NSL1: variants seen among roughly 807,000 people sequenced by gnomAD.
NSL1 encodes the protein kinetochore-associated protein NSL1 homolog.
NSL1 carries 11 observed loss-of-function variants against 25.4 expected under a neutral mutation model. The observed-to-expected ratio is 0.43, with a 90% CI of 0.27 to 0.72. The LOEUF is 0.72. Ranked by LOEUF, NSL1 falls within the 30% of genes least tolerant of loss-of-function variation. The pLI is 0.19. For missense variants in NSL1, 330 were observed against 342.7 expected (o/e 0.96, Z 0.29); for synonymous variants, 118 against 120.6 (o/e 0.98, Z 0.14).
intron 4 of NSL1, among the ~76,000 whole-genome samples, chr1:212,776,164 G>T (rs1205952246): frequency 6.6e-6 from 1 of 152,102 alleles, no homozygotes; most frequent in Non-Finnish European, 1.5e-5. Context: ...AGGAGTTCAA[G>T]ACCAGCCTGA....
In NSL1 at chr1:212,729,011, AT is replaced by A; in HGVS notation, c.*9396del. The A allele has an allele frequency of 1.0e-6, 1 of 985,388 alleles. No homozygotes were observed. Among genetic ancestry groups the A allele is most frequent in the Non-Finnish European group, 1.2e-6 (1 of 829,890 alleles). 61.0% of individuals were successfully genotyped at this position (985,388 alleles called of 1,614,324 possible). A position where few individuals can be genotyped will look rare whatever the true frequency, so the allele number is the denominator to read the frequency against. On this transcript the variant is annotated 3_prime_UTR_variant, in exon 6 of 6. Transcript: ENST00000366977. ...AAGGAGGATTTCTAAAGAAGCAGTC[AT>A]TTGTCAATCTGAAATTTTTTTTAAA... is the stretch of plus-strand genomic sequence containing the variant.
At chr1:212,746,124 T>C (rs1658781190) in intron 4 of NSL1, among the ~76,000 whole-genome samples, 1 of 152,148 alleles carries the variant, frequency 6.6e-6, no homozygotes, top group African/African-American at 2.4e-5. Flanking sequence ...CCAATAAAGG[T>C]AACTACATAG....
At chr1:212,758,238 T>C (rs1291434361) in intron 4 of NSL1, among the ~76,000 whole-genome samples, 1 of 152,148 alleles carries the variant, frequency 6.6e-6, no homozygotes. Flanking sequence ...GCATTAAGAA[T>C]ATAGAGAAAA....
intron 4 of NSL1, among the ~76,000 whole-genome samples, chr1:212,765,316 C>T (rs113579110): frequency 0.023 from 3,468 of 152,192 alleles, 63 homozygotes; most frequent in South Asian, 0.041. Flanking sequence ...TCCTGATGAA[C>T]ATAGATGCAA....
Position 212,731,523 on chromosome 1 carries a change from T to C in NSL1, c.*6885A>G. On this transcript the variant is annotated 3_prime_UTR_variant, in exon 6 of 6. Coordinates refer to ENST00000366977, the MANE Select transcript of NSL1 (RefSeq NM_015471.4). Reference sequence around the variant, plus strand: ...ATTTGTCTCTTAAACCAAATTTATTTTCCCTTAATTACTATATGCATTTAA... The same window carrying C: ...ATTTGTCTCTTAAACCAAATTTATTCTCCCTTAATTACTATATGCATTTAA... 1 of 985,368 alleles carries C rather than the reference T, an allele frequency of 1.0e-6. No individual in the cohort carries two copies. Among genetic ancestry groups the C allele is most frequent in the Non-Finnish European group, 1.2e-6 (1 of 829,880 alleles). The allele number at this position is 985,368 out of a possible 1,614,324, so 61.0% of individuals were successfully genotyped here. A position where few individuals can be genotyped will look rare whatever the true frequency, so the allele number is the denominator to read the frequency against.
chr1:212,777,935 G>C (rs1660449464), intron 4 of NSL1, among the ~76,000 whole-genome samples: 2 of 152,194 alleles, frequency 1.3e-5, no homozygotes, highest in African/African-American at 4.8e-5. Context: ...ATGGAAGAGA[G>C]CAAGAGTGAA....
In NSL1 at chr1:212,730,881, A is replaced by G; in HGVS notation, c.*7527T>C. ...ATTAATAATGAATATAAATGCCACA[A>G]GCCATTAATGTGTGAGATTGTGATC... On this transcript the variant is annotated 3_prime_UTR_variant, in exon 6 of 6. Transcript: ENST00000366977. The G allele has an allele frequency of 1.0e-6, 1 of 985,398 alleles. No individual in the cohort carries two copies. The highest frequency in any genetic ancestry group is 1.2e-6 in the Non-Finnish European group (1 of 829,924). The allele number at this position is 985,398 out of a possible 1,614,324, so 61.0% of individuals were successfully genotyped here. A position where few individuals can be genotyped will look rare whatever the true frequency, so the allele number is the denominator to read the frequency against.
intron 4 of NSL1, among the ~76,000 whole-genome samples, chr1:212,764,339 C>A (rs113222752): frequency 0.02 from 3,022 of 152,112 alleles, 114 homozygotes; most frequent in African/African-American, 0.07. Flanking sequence ...ATAGCACAGA[C>A]AATTTAATGT....
intron 4 of NSL1, among the ~76,000 whole-genome samples, chr1:212,753,310 C>G (rs1273524343): frequency 2.0e-5 from 3 of 152,218 alleles, no homozygotes; most frequent in Non-Finnish European, 4.4e-5. Context: ...CTTCTTCCCT[C>G]TATTACTCAC....
At chr1:212,776,170 C>G (rs1243765191) in intron 4 of NSL1, among the ~76,000 whole-genome samples, 1 of 152,072 alleles carries the variant, frequency 6.6e-6, no homozygotes, top group Non-Finnish European at 1.5e-5. Context: ...TCAAGACCAG[C>G]CTGACCAACA....
intron 4 of NSL1, among the ~76,000 whole-genome samples, chr1:212,779,431 G>A (rs2102396794): frequency 7.3e-6 from 1 of 136,180 alleles, no homozygotes; most frequent in Non-Finnish European, 1.6e-5. Flanking sequence ...GAGGTGAGGG[G>A]CGCCTCTGCC....
intron 1 of NSL1, 55 bp downstream of exon 1, chr1:212,791,475 C>T (rs1473249337): frequency 1.7e-5 from 25 of 1,487,426 alleles, no homozygotes; most frequent in Non-Finnish European, 2.2e-5. Flanking sequence ...ATCCTAAGAT[C>T]CTGGGTGTTG....
At chr1:212,742,853 A>G (rs1658565808) in intron 4 of NSL1, among the ~76,000 whole-genome samples, 1 of 152,190 alleles carries the variant, frequency 6.6e-6, no homozygotes, top group Non-Finnish European at 1.5e-5. Flanking sequence ...ATTTAGTTTG[A>G]CAATAGCAAA....
intron 4 of NSL1, among the ~76,000 whole-genome samples, chr1:212,774,191 A>T (rs1660250175): frequency 6.6e-6 from 1 of 152,226 alleles, no homozygotes; most frequent in Non-Finnish European, 1.5e-5. Context: ...CAGTAAGGTG[A>T]CAATGATTAA....
intron 4 of NSL1, among the ~76,000 whole-genome samples, chr1:212,774,175 A>G (rs1205591953): frequency 1.3e-5 from 2 of 152,186 alleles, no homozygotes. Context: ...CCAGTGCTTG[A>G]TAGCACAGTA....
Position 212,736,965 on chromosome 1 carries a change from C to G in NSL1, c.*1443G>C. The G allele has an allele frequency of 1.0e-6, 1 of 984,546 alleles. No homozygotes were observed. The highest frequency in any genetic ancestry group is 1.2e-6 in the Non-Finnish European group (1 of 829,148). 61.0% of individuals were successfully genotyped at this position (984,546 alleles called of 1,614,324 possible). ...CAATAACTCTTTTGTTTGGGGACCT[C>G]TGAAGTGAAACAAATCATACAGAAT... On this transcript the variant is annotated 3_prime_UTR_variant, in exon 6 of 6. Coordinates refer to ENST00000366977, the MANE Select transcript of NSL1 (RefSeq NM_015471.4).
At chr1:212,769,600 C>G (rs921350466) in intron 4 of NSL1, among the ~76,000 whole-genome samples, 1 of 152,122 alleles carries the variant, frequency 6.6e-6, no homozygotes, top group Admixed American at 6.5e-5. Flanking sequence ...GACCAGCCCT[C>G]CAAAAAATGC....
At chr1:212,771,979 C>T (rs972605098) in intron 4 of NSL1, among the ~76,000 whole-genome samples, 2 of 152,140 alleles carry the variant, frequency 1.3e-5, no homozygotes, top group Non-Finnish European at 2.9e-5. Flanking sequence ...GGGGCGGTTT[C>T]CTCCATACTG....
chr1:212,788,239 C>G (rs1661032162), intron 1 of NSL1, among the ~76,000 whole-genome samples: 1 of 152,160 alleles, frequency 6.6e-6, no homozygotes, highest in South Asian at 2.1e-4. Context: ...ACTGAGACAA[C>G]CTTCTCTACT....
Sources: gnomAD v4.1 joint callset for allele counts (sites outside exome capture counted in the v4.1 genomes callset) on GRCh38, gnomAD v4.1.1 for gene constraint, MANE v1.5 for transcripts, NCBI Gene and HGNC (gene_info 2026-07-23, HGNC 2026-07-21) for gene names.